Variants in AFF3 observed in about 807,000 individuals in gnomAD.
The protein encoded by AFF3 is AF4/FMR2 family member 3.
AFF3 carries 32 observed loss-of-function variants against 129.7 expected under a neutral mutation model. The ratio of observed to expected loss-of-function variants is 0.25; its 90% CI spans 0.19 to 0.33. The LOEUF (loss-of-function observed/expected upper bound fraction) is 0.33. Ranked by LOEUF, AFF3 falls within the 10% of genes least tolerant of loss-of-function variation. The probability of loss-of-function intolerance (pLI) is 1.00; values close to 1 mark genes in which losing one functional copy is unlikely to be tolerated. For missense variants in AFF3, 1,373 were observed against 1,592.0 expected (o/e 0.86, Z 2.34); for synonymous variants, 644 against 635.4 (o/e 1.01, Z -0.20).
intron 11 of AFF3, among the ~76,000 whole-genome samples, chr2:99,721,303 G>A (rs1678865753): frequency 6.6e-6 from 1 of 152,206 alleles, no homozygotes; most frequent in South Asian, 2.1e-4. Context: ...GGCCAAGGTG[G>A]GCGGATCATG....
intron 8 of AFF3, among the ~76,000 whole-genome samples, chr2:99,815,707 T>G (rs1687173712): frequency 7.3e-6 from 1 of 137,574 alleles, no homozygotes; most frequent in Admixed American, 6.9e-5. Context: ...GGTTGAGAGT[T>G]TTTTTTTTTT....
At chr2:99,945,141 A>C (rs542257672) in intron 7 of AFF3, among the ~76,000 whole-genome samples, 7 of 152,324 alleles carry the variant, frequency 4.6e-5, no homozygotes, top group Admixed American at 2.0e-4. Flanking sequence ...TGGTGGAGAG[A>C]TGCAAACCGA....
intron 4 of AFF3, among the ~76,000 whole-genome samples, chr2:100,013,639 A>AACTCAT (rs1301002494): frequency 8.5e-5 from 13 of 152,156 alleles, no homozygotes; most frequent in African/African-American, 2.9e-4. Flanking sequence ...AGTTAACATG[A>AACTCAT]GCCCCAGAGG....
At chr2:99,858,371 C>T (rs1335194615) in intron 7 of AFF3, among the ~76,000 whole-genome samples, 9 of 148,668 alleles carry the variant, frequency 6.1e-5, no homozygotes, top group Admixed American at 5.4e-4. Flanking sequence ...TGTGGCGAAA[C>T]CCTGTTTCTA....
chr2:100,108,847 T>C (rs2105521013), intron 2 of AFF3, among the ~76,000 whole-genome samples: 1 of 152,036 alleles, frequency 6.6e-6, no homozygotes, highest in Admixed American at 6.5e-5. Context: ...GCTGAGGTTT[T>C]ATGCTTCACT....
chr2:99,885,360 G>A (rs1453323215), intron 7 of AFF3, among the ~76,000 whole-genome samples: 3 of 152,100 alleles, frequency 2.0e-5, no homozygotes, highest in Non-Finnish European at 4.4e-5. Context: ...GTCTCACAGG[G>A]CTATTTAACA....
chr2:99,672,493 A>G, intron 12 of AFF3, 45 bp downstream of exon 12: 4 of 1,581,546 alleles, frequency 2.5e-6, no homozygotes, highest in Non-Finnish European at 3.5e-6. Flanking sequence ...GGTAACTGTT[A>G]CCAGTGTCAC....
Position 99,582,824 on chromosome 2 carries a change from G to C in AFF3, c.2767C>G (p.Leu923Val), listed in dbSNP as rs1402516036. 4 of 1,614,110 alleles carry C rather than the reference G, an allele frequency of 2.5e-6. No homozygotes were observed. In the Admixed American group the frequency reaches 6.7e-5, roughly 27 times the overall value. Residue 923 changes from leucine to valine, a missense_variant, in exon 17 of 25, where the codon CTG (leucine) becomes GTG (valine). Physicochemically the swap from Leu to Val is conservative, Grantham distance 32. This residue lies in a region of AFF3 where 466 missense variants were observed against 505.0 expected (regional missense o/e 0.92). Coordinates refer to ENST00000672756, the MANE Select transcript of AFF3 (RefSeq NM_001386135.1). Reference protein sequence around the residue: ...SSKKPKADSQLQPHGGDLTKA... With the variant: ...SSKKPKADSQVQPHGGDLTKA... ...GTGAGGTCTCCGCCGTGAGGCTGCA[G>C]CTGGCTGTCGGCCTTAGGCTTTTTG...
chr2:99,569,609 C>T (rs759465008), intron 18 of AFF3, among the ~76,000 whole-genome samples: 4 of 152,018 alleles, frequency 2.6e-5, no homozygotes, highest in South Asian at 2.1e-4. Flanking sequence ...GTGACTCTGC[C>T]GGGAGATGAA....
At chr2:100,055,918 TC>T (rs1031944185) in intron 4 of AFF3, among the ~76,000 whole-genome samples, 1 of 151,932 alleles carries the variant, frequency 6.6e-6, no homozygotes, top group Admixed American at 6.6e-5. Context: ...ACACCTGTAA[TC>T]CCAGAGCTTT....
At chr2:99,564,469 T>C (rs776681360) in intron 20 of AFF3, among the ~76,000 whole-genome samples, 1 of 152,216 alleles carries the variant, frequency 6.6e-6, no homozygotes, top group Non-Finnish European at 1.5e-5. Flanking sequence ...TTCACCAATA[T>C]ATTGATTTAG....
intron 2 of AFF3, among the ~76,000 whole-genome samples, chr2:100,108,097 C>G (rs950796957): frequency 6.8e-5 from 8 of 118,468 alleles, no homozygotes; most frequent in Admixed American, 1.8e-4. Context: ...GGACACTACT[C>G]TCTCCTGTTC....
At chr2:99,692,352 C>T (rs376495071) in intron 11 of AFF3, among the ~76,000 whole-genome samples, 19 of 152,338 alleles carry the variant, frequency 1.2e-4, no homozygotes, top group Non-Finnish European at 2.2e-4. Flanking sequence ...CTGCTCTCCC[C>T]CTTCTTCAGC....
chr2:99,876,384 C>T (rs1450637350), intron 7 of AFF3, among the ~76,000 whole-genome samples: 4 of 152,204 alleles, frequency 2.6e-5, no homozygotes, highest in African/African-American at 9.7e-5. Context: ...CCTCAGGGAA[C>T]ATCCACCTTA....
At position 100,038,106 on chromosome 2, in the gene AFF3, G is replaced by C. The variant is rs796484857; in HGVS notation, c.54-29174C>G. Among the ~76,000 whole-genome samples the C allele has an allele frequency of 8.5e-5, 13 of 152,056 alleles. 1 individual carries two copies. In the South Asian group the frequency reaches 2.7e-3, roughly 32 times the overall value. ...GGAAGTCCTCATCAAGCCATTAAGG[G>C]AAGAGGAGAGGGTGAAGACACTGCA... On this transcript the variant is annotated intron_variant, in intron 4 of 24. Transcript: ENST00000672756.
chr2:99,628,133 C>T (rs1682773007), intron 13 of AFF3, among the ~76,000 whole-genome samples: 2 of 152,162 alleles, frequency 1.3e-5, no homozygotes, highest in Admixed American at 6.5e-5. Flanking sequence ...GGGAATAACA[C>T]TGAATCTGTA....
chr2:100,116,780 C>G (rs537760955), intron 2 of AFF3, among the ~76,000 whole-genome samples: 28 of 152,210 alleles, frequency 1.8e-4, no homozygotes, highest in African/African-American at 6.5e-4. Flanking sequence ...CACCTCTGGT[C>G]TTCCATTTAG....
chr2:99,960,869 C>T (rs558215702), intron 7 of AFF3, among the ~76,000 whole-genome samples: 2 of 152,260 alleles, frequency 1.3e-5, no homozygotes, highest in Admixed American at 6.5e-5. Context: ...ACCCAGCCTC[C>T]ACACTTGCCA....
intron 12 of AFF3, among the ~76,000 whole-genome samples, chr2:99,668,599 G>A (rs889575409): frequency 6.6e-6 from 1 of 151,610 alleles, no homozygotes; most frequent in African/African-American, 2.4e-5. Flanking sequence ...ATCTCACTCT[G>A]TCACCCAGGC....
Sources: allele counts gnomAD v4.1 joint callset (sites outside exome capture counted in the v4.1 genomes callset), GRCh38; gene constraint gnomAD v4.1.1; regional missense constraint gnomAD v4.1.1; transcripts MANE v1.5; gene names NCBI Gene and HGNC (gene_info 2026-07-23, HGNC 2026-07-21).